The following TMIGD3 variants were observed in gnomAD, a reference collection of about 807,000 sequenced individuals.
TMIGD3 encodes transmembrane and immunoglobulin domain containing 3, also known as AD026 protein (AD026).
TMIGD3 carries 21 observed loss-of-function variants against 28.1 expected under a neutral mutation model. That is an observed-to-expected ratio of 0.75 (90% CI 0.53 to 1.08). The LOEUF is 1.08. Ranked by LOEUF, TMIGD3 falls within the 50% of genes least tolerant of loss-of-function variation. The probability of loss-of-function intolerance (pLI) is 0.00; values close to 1 mark genes in which losing one functional copy is unlikely to be tolerated. For synonymous variants in TMIGD3, 151 were observed against 162.1 expected (o/e 0.93, Z 0.52); for missense variants, 416 against 435.6 (o/e 0.96, Z 0.40).
chr1:111,556,447 C>T (rs897536140), intron 1 of TMIGD3, among the ~76,000 whole-genome samples: 1 of 152,160 alleles, frequency 6.6e-6, no homozygotes, highest in East Asian at 1.9e-4. Flanking sequence ...GATATTTGTA[C>T]ACCCATGTTT....
chr1:111,519,900 C>A (rs1384044165), intron 1 of TMIGD3, among the ~76,000 whole-genome samples: 1 of 152,116 alleles, frequency 6.6e-6, no homozygotes, highest in Non-Finnish European at 1.5e-5. Flanking sequence ...ACCATATCGT[C>A]CAGGCTGGTC....
At chr1:111,528,055 G>A (rs1459100071) in intron 1 of TMIGD3, among the ~76,000 whole-genome samples, 2 of 151,704 alleles carry the variant, frequency 1.3e-5, no homozygotes, top group Non-Finnish European at 2.9e-5. Flanking sequence ...TTTTGGAGTT[G>A]TATATAAAAA....
chr1:111,552,021 G>A (rs1037324994), intron 1 of TMIGD3, among the ~76,000 whole-genome samples: 1 of 152,200 alleles, frequency 6.6e-6, no homozygotes, highest in Non-Finnish European at 1.5e-5. Context: ...ATCTCATTTA[G>A]GCTTTTCTCC....
rs979080152 is a variant in TMIGD3 at position 111,485,822 on chromosome 1, A to G, written c.891T>C (p.Ile297=). 1.2e-6 allele frequency: 2 copies of G among 1,611,932 alleles called. No individual in the cohort carries two copies. The highest frequency in any genetic ancestry group is 2.2e-5 in the East Asian group (1 of 44,774). The change falls in exon 5 of 6, where the codon ATT becomes ATC. Residue 297 remains isoleucine, a synonymous_variant. Transcript: ENST00000369716. ...ADRSRTSILI[I]CILITGLGII... Reference sequence around the variant, plus strand: ...TTCCCAAACCCGTGATCAGTATGCAAATGATGAGAATGGACGTCCTAGAAG... The same window carrying G: ...TTCCCAAACCCGTGATCAGTATGCAGATGATGAGAATGGACGTCCTAGAAG...
intron 1 of TMIGD3, among the ~76,000 whole-genome samples, chr1:111,523,859 TAAG>T (rs1469017538): frequency 1.3e-5 from 2 of 151,940 alleles, no homozygotes; most frequent in African/African-American, 2.4e-5. Flanking sequence ...TCAATCAGAC[TAAG>T]GTTTATCAAT....
chr1:111,511,901 G>T (rs529427041), intron 1 of TMIGD3, among the ~76,000 whole-genome samples: 1 of 152,158 alleles, frequency 6.6e-6, no homozygotes, highest in African/African-American at 2.4e-5. Flanking sequence ...CACTGATCTT[G>T]CCCCAAATCA....
intron 1 of TMIGD3, among the ~76,000 whole-genome samples, chr1:111,525,602 G>A (rs1266867911): frequency 1.3e-5 from 2 of 152,140 alleles, no homozygotes; most frequent in African/African-American, 4.8e-5. Flanking sequence ...AGTGGCTCAC[G>A]CCTGTAATCT....
intron 1 of TMIGD3, among the ~76,000 whole-genome samples, chr1:111,537,927 T>G (rs764578938): frequency 1.6e-4 from 24 of 152,224 alleles, no homozygotes; most frequent in Non-Finnish European, 3.4e-4. Flanking sequence ...TAAGGGCATT[T>G]TCCTCCCTGT....
At chr1:111,500,281 C>T in intron 1 of TMIGD3, 1 of 1,614,224 alleles carries the variant, frequency 6.2e-7, no homozygotes, top group Non-Finnish European at 8.5e-7. Flanking sequence ...TAAGTTCAGA[C>T]TGAGTTTGTT....
chr1:111,527,242 C>T (rs553391926), intron 1 of TMIGD3, among the ~76,000 whole-genome samples: 9 of 152,156 alleles, frequency 5.9e-5, no homozygotes, highest in African/African-American at 2.2e-4. Flanking sequence ...GAACTCCTGA[C>T]CTCAAGTGAT....
chr1:111,518,352 A>G (rs1655934960), intron 1 of TMIGD3, among the ~76,000 whole-genome samples: 1 of 152,196 alleles, frequency 6.6e-6, no homozygotes, highest in South Asian at 2.1e-4. Context: ...CTCAACCTCA[A>G]CCCTATTGAC....
chr1:111,519,380 T>A (rs1655978063), intron 1 of TMIGD3, among the ~76,000 whole-genome samples: 1 of 152,218 alleles, frequency 6.6e-6, no homozygotes, highest in South Asian at 2.1e-4. Flanking sequence ...GCACTTTGTG[T>A]TTCTTATCTT....
At chr1:111,545,362 T>C (rs1656998639) in intron 1 of TMIGD3, among the ~76,000 whole-genome samples, 1 of 152,148 alleles carries the variant, frequency 6.6e-6, no homozygotes, top group South Asian at 2.1e-4. Context: ...TTTGCATTTG[T>C]GTAATGACTA....
At chr1:111,529,010 A>C (rs1291548857) in intron 1 of TMIGD3, among the ~76,000 whole-genome samples, 1 of 151,884 alleles carries the variant, frequency 6.6e-6, no homozygotes, top group Non-Finnish European at 1.5e-5. Flanking sequence ...TTCTTGTCTT[A>C]TTGCATTAGC....
At chr1:111,503,921 G>A, upstream of TMIGD3, 1 of 985,388 alleles carries the variant, frequency 1.0e-6, no homozygotes, top group Non-Finnish European at 1.2e-6. Flanking sequence ...TGGGAGCAGA[G>A]CTGGAAGCAC....
At chr1:111,561,127 T>G (rs563005058) in intron 1 of TMIGD3, among the ~76,000 whole-genome samples, 51 of 152,238 alleles carry the variant, frequency 3.4e-4, no homozygotes, top group African/African-American at 7.9e-4. Flanking sequence ...TTTGTTGGTT[T>G]GTTTGTTTGT....
chr1:111,489,046 C>T (rs369862235), intron 2 of TMIGD3, 22 bp from the exon 3 acceptor site: 100 of 1,574,336 alleles, frequency 6.4e-5, no homozygotes, highest in African/African-American at 1.8e-4. Flanking sequence ...CACACACACA[C>T]GCACACGTGC....
At chr1:111,526,723 T>C (rs11485092) in intron 1 of TMIGD3, among the ~76,000 whole-genome samples, 5,293 of 152,290 alleles carry the variant, frequency 0.035, 117 homozygotes, top group Non-Finnish European at 0.043. Context: ...TCACTGTTGA[T>C]GTTGTTCATT....
upstream of TMIGD3, among the ~76,000 whole-genome samples, chr1:111,506,484 T>TAC (rs1655493490): frequency 6.6e-6 from 1 of 152,254 alleles, no homozygotes; most frequent in Non-Finnish European, 1.5e-5. Flanking sequence ...CGGGGTTAAA[T>TAC]AACTTGCCCA....
Sources: gnomAD v4.1 joint callset for allele counts (sites outside exome capture counted in the v4.1 genomes callset) on GRCh38, gnomAD v4.1.1 for gene constraint, MANE v1.5 for transcripts, NCBI Gene and HGNC (gene_info 2026-07-23, HGNC 2026-07-21) for gene names.